The following COL17A1 variants were observed in gnomAD, a reference collection of about 807,000 sequenced individuals.
The protein encoded by COL17A1 is collagen alpha-1(XVII) chain.
COL17A1 carries 181 observed loss-of-function variants against 218.4 expected under a neutral mutation model. The ratio of observed to expected loss-of-function variants is 0.83; its 90% CI spans 0.73 to 0.94. The LOEUF is 0.94. Ranked by LOEUF, COL17A1 falls within the 40% of genes least tolerant of loss-of-function variation. The probability of loss-of-function intolerance (pLI) is 0.00; values close to 1 mark genes in which losing one functional copy is unlikely to be tolerated. For missense variants in COL17A1, 1,924 were observed against 1,945.9 expected, an observed-to-expected ratio of 0.99 and a Z score of 0.21; for synonymous variants, 721 against 731.0, an observed-to-expected ratio of 0.99 and a Z score of 0.22.
In COL17A1 at chr10:104,078,554, A is replaced by T; in HGVS notation, c.85T>A (p.Ser29Thr). The change falls in exon 3 of 56, where the codon TCC (serine) becomes ACC (threonine). Residue 29 changes from serine (S) to threonine (T), a missense_variant. Transcript: ENST00000648076. ...VTETVTTRLT[S>T]LPPKGGTSNG... is the part of the protein sequence containing the mutation. ...GGTAGTTACTTACTTGGTGGTAAGG[A>T]TGTAAGTCTTGTGGTTACTGTTTCA... 1 of 1,614,240 alleles carries T rather than the reference A, an allele frequency of 6.2e-7. No individual in the cohort carries two copies. Among genetic ancestry groups the T allele is most frequent in the Non-Finnish European group, 8.5e-7 (1 of 1,180,044 alleles).
chr10:104,073,842 C>A (rs1401767901), intron 6 of COL17A1: 1 of 332,310 alleles, frequency 3.0e-6, no homozygotes, highest in East Asian at 7.4e-5. Context: ...ACTCGCTGCT[C>A]TGCTTCTTTG....
chr10:104,052,277 C>G, intron 23 of COL17A1, 60 bp from the exon 24 acceptor site: 1 of 1,606,158 alleles, frequency 6.2e-7, no homozygotes. Context: ...TGCCCCCTAT[C>G]CTGGCACTGT....
chr10:104,037,608 C>T, intron 46 of COL17A1, 28 bp downstream of exon 46: 1 of 1,613,854 alleles, frequency 6.2e-7, no homozygotes, highest in East Asian at 2.2e-5. Flanking sequence ...AGGAAGGTGC[C>T]AGGTGCAGGG....
intron 11 of COL17A1, chr10:104,063,432 CA>C (rs2086599779): frequency 2.7e-6 from 1 of 373,128 alleles, no homozygotes; most frequent in Non-Finnish European, 5.1e-6. Flanking sequence ...TCTAAATTAA[CA>C]ATGCCTTTAC....
intron 26 of COL17A1, 51 bp downstream of exon 26, chr10:104,050,797 G>A: frequency 6.2e-7 from 1 of 1,614,004 alleles, no homozygotes; most frequent in Non-Finnish European, 8.5e-7. Flanking sequence ...ATAGGCTGTG[G>A]GTCGTGTCCA....
rs1389750774 is a variant in COL17A1, at chr10:104,036,038, GTGTGTATAGGAGTGTGTGTATGGGAGTA to G, written c.3418+426_3418+453del. ...TATGGGTGTGTCTGAGTATGGAAGT[GTGTGTATAGGAGTGTGTGTATGGGAGTA>G]TGTGTATGGGAGTGTGTATGGGAGT... On this transcript the variant is annotated intron_variant, in intron 48 of 55. Coordinates refer to ENST00000648076, the MANE Select transcript of COL17A1 (RefSeq NM_000494.4). 4.5e-4 allele frequency among the ~76,000 whole-genome samples: 49 copies of G among 108,434 alleles called. 2 individuals carry two copies. Among genetic ancestry groups the G allele is most frequent in the African/African-American group, 1.4e-3 (44 of 31,586 alleles). The allele number at this position is 108,434 out of a possible 152,430, so 71.1% of individuals were successfully genotyped here. A position where few individuals can be genotyped will look rare whatever the true frequency, so the allele number is the denominator to read the frequency against.
At chr10:104,054,570 C>G (rs572305618) in intron 20 of COL17A1, among the ~76,000 whole-genome samples, 1 of 152,202 alleles carries the variant, frequency 6.6e-6, no homozygotes, top group Admixed American at 6.5e-5. Context: ...ACTTCCTGCC[C>G]TGGGGTTGCC....
In COL17A1 at chr10:104,055,481, C is replaced by CACACACACACAA. The variant is rs1277327700; in HGVS notation, c.1688-81_1688-80insTTGTGTGTGTGT. ...ACACACACACACACACACACACACA[C>CACACACACACAA]AATAAGGGGATCATGGTATGGGAAG... is the stretch of plus-strand genomic sequence containing the variant. On this transcript the variant is annotated intron_variant, in intron 18 of 55. Coordinates refer to ENST00000648076, the MANE Select transcript of COL17A1 (RefSeq NM_000494.4). 139 of 1,498,046 alleles carry CACACACACACAA rather than the reference C, an allele frequency of 9.3e-5. 1 individual carries two copies. The highest frequency in any genetic ancestry group is 7.0e-4 in the Middle Eastern group (4 of 5,714). 92.8% of individuals were successfully genotyped at this position (1,498,046 alleles called of 1,614,324 possible). A position where few individuals can be genotyped will look rare whatever the true frequency, so the allele number is the denominator to read the frequency against.
chr10:104,040,971 G>T, intron 39 of COL17A1, 94 bp downstream of exon 39: 1 of 1,339,066 alleles, frequency 7.5e-7, no homozygotes, highest in Non-Finnish European at 1.1e-6. Flanking sequence ...AGGAAGCCTG[G>T]TGAGTAGGTT....
Position 104,047,251 on chromosome 10 carries a change from T to C in COL17A1, c.2336-478A>G, listed in dbSNP as rs188397190. ...TCCTGCAACCCTGAGAAGTTTGCTC[T>C]TTGCTCTCGGTGGAGACTCTAACAA... On this transcript the variant is annotated intron_variant, in intron 31 of 55. Coordinates refer to ENST00000648076, the MANE Select transcript of COL17A1 (RefSeq NM_000494.4). Among the ~76,000 whole-genome samples, 186 of 151,884 alleles carry C rather than the reference T, an allele frequency of 1.2e-3. 1 individual carries two copies. The highest frequency in any genetic ancestry group is 4.4e-3 in the African/African-American group (180 of 41,378).
chr10:104,052,696 T>G (rs750852650), intron 23 of COL17A1, among the ~76,000 whole-genome samples: 28 of 152,024 alleles, frequency 1.8e-4, no homozygotes, highest in Non-Finnish European at 3.8e-4. Flanking sequence ...CACTCCACCT[T>G]ACAATTGACT....
chr10:104,045,931 G>A (rs774166000), intron 32 of COL17A1, 138 bp from the exon 33 acceptor site: 185 of 771,358 alleles, frequency 2.4e-4, no homozygotes, highest in Admixed American at 1.2e-3. Context: ...TTTGCCTTCC[G>A]CCTTAGTCTA....
chr10:104,064,320 A>G (rs2086607702), intron 10 of COL17A1, 118 bp downstream of exon 10: 3 of 1,532,638 alleles, frequency 2.0e-6, no homozygotes, highest in Non-Finnish European at 1.8e-6. Context: ...ATGTTTGGCC[A>G]CAGAAAGCCT....
At chr10:104,054,846 C>T in intron 20 of COL17A1, 135 bp downstream of exon 20, 1 of 1,403,118 alleles carries the variant, frequency 7.1e-7, no homozygotes, top group South Asian at 1.2e-5. Flanking sequence ...GGAAACCTCT[C>T]CTCCTCACAC....
intron 33 of COL17A1, among the ~76,000 whole-genome samples, 200 bp from the exon 34 acceptor site, chr10:104,044,060 A>G (rs1564674999): frequency 6.6e-6 from 1 of 152,260 alleles, no homozygotes. Flanking sequence ...CCTGGAGGCC[A>G]GAGCATCCGT....
chr10:104,038,534 G>A lies in COL17A1; in HGVS notation c.2948-6C>T. 1 of 1,611,160 alleles carries A rather than the reference G, an allele frequency of 6.2e-7. No individual in the cohort carries two copies. Among genetic ancestry groups the A allele is most frequent in the Non-Finnish European group, 8.5e-7 (1 of 1,179,964 alleles). Reference sequence around the variant, plus strand: ...CATGGTACTTGATGATCCCCCTGCAGCAAAGAGAAAGCGTCCTGTGTCGGT... The same window carrying A: ...CATGGTACTTGATGATCCCCCTGCAACAAAGAGAAAGCGTCCTGTGTCGGT... On this transcript the variant is annotated splice_polypyrimidine_tract_variant and splice_region_variant and intron_variant, in intron 44 of 55. Coordinates refer to ENST00000648076, the MANE Select transcript of COL17A1 (RefSeq NM_000494.4).
chr10:104,050,695 C>T, intron 26 of COL17A1, 39 bp from the exon 27 acceptor site: 1 of 1,614,160 alleles, frequency 6.2e-7, no homozygotes, highest in East Asian at 2.2e-5. Flanking sequence ...AAATGCCCTA[C>T]AAGGGACAAC....
At chr10:104,037,613 G>A in intron 46 of COL17A1, 23 bp downstream of exon 46, 1 of 1,613,968 alleles carries the variant, frequency 6.2e-7, no homozygotes, top group South Asian at 1.1e-5. Flanking sequence ...GGTGCCAGGT[G>A]CAGGGCGTGG....
chr10:104,036,416 C>T (rs1446736984), intron 48 of COL17A1, 76 bp downstream of exon 48: 7 of 1,598,530 alleles, frequency 4.4e-6, no homozygotes, highest in Non-Finnish European at 6.0e-6. Flanking sequence ...GGGGCAATCA[C>T]AGGGAAGTTC....
Sources: gnomAD v4.1 joint callset for allele counts (sites outside exome capture counted in the v4.1 genomes callset) on GRCh38, gnomAD v4.1.1 for gene constraint, MANE v1.5 for transcripts, NCBI Gene and HGNC (gene_info 2026-07-23, HGNC 2026-07-21) for gene names.